The following CCDC63 variants were observed in gnomAD, a reference collection of about 807,000 sequenced individuals.
CCDC63 encodes coiled-coil domain-containing protein 63.
A neutral mutation model predicts 63.6 loss-of-function variants in CCDC63; 54 were observed. The observed-to-expected ratio is 0.85, with a 90% confidence interval of 0.68 to 1.07. The LOEUF is 1.07. CCDC63 is among the 50% of genes least tolerant of loss of function. CCDC63 has a pLI of 0.00. For synonymous variants in CCDC63, 253 were observed against 266.1 expected, an observed-to-expected ratio of 0.95 and a Z score of 0.48; for missense variants, 637 against 689.6, an observed-to-expected ratio of 0.92 and a Z score of 0.86.
chr12:110,884,241 A>G lies in CCDC63; in HGVS notation c.1065A>G (p.Gln355=), dbSNP rs1199227595. ...TGGAGATGATGCACAAGAGGACCCA[A>G]CGAATCCAGGTCAGGGCGGCTCTGC... ...NDMEMMHKRT[Q]RIQDEIILLR... Residue 355 remains glutamine (Q), a synonymous_variant, in exon 8 of 12, where the codon CAA becomes CAG. Coordinates refer to ENST00000308208, the MANE Select transcript of CCDC63 (RefSeq NM_152591.3). 8 of 1,613,894 alleles carry G rather than the reference A, an allele frequency of 5.0e-6. No individual in the cohort carries two copies. The highest frequency in any genetic ancestry group is 1.1e-5 in the South Asian group (1 of 91,076).
rs2071600056 is a variant in CCDC63, at chr12:110,907,248, C to A, written c.1547-83C>A. ...AATTTCCATGCTCCACTCCCCAGTG[C>A]TATGGAGGGACGCCAAACCAGGCTT... is the stretch of plus-strand genomic sequence containing the variant. On this transcript the variant is annotated intron_variant, in intron 11 of 11. Coordinates refer to ENST00000308208, the MANE Select transcript of CCDC63 (RefSeq NM_152591.3). The surrounding 1 kb of genome is among the most constrained non-coding windows in gnomAD (Gnocchi z 4.4). 2 of 1,406,048 alleles carry A rather than the reference C, an allele frequency of 1.4e-6. No individual in the cohort carries two copies. The highest frequency in any genetic ancestry group is 9.8e-7 in the Non-Finnish European group (1 of 1,023,730). 87.1% of individuals were successfully genotyped at this position (1,406,048 alleles called of 1,614,324 possible).
intron 11 of CCDC63, among the ~76,000 whole-genome samples, chr12:110,906,043 T>TA (rs2071574001): frequency 1.3e-5 from 1 of 78,910 alleles, no homozygotes; most frequent in Non-Finnish European, 2.2e-5. Context: ...AATAATATAA[T>TA]ATATAATATA....
At chr12:110,885,552 G>C (rs2071268754) in intron 8 of CCDC63, among the ~76,000 whole-genome samples, 1 of 152,114 alleles carries the variant, frequency 6.6e-6, no homozygotes, top group Non-Finnish European at 1.5e-5. Flanking sequence ...TGACCTCCAA[G>C]ACACCCTCTG....
At chr12:110,883,789 G>T (rs1219720955) in intron 7 of CCDC63, among the ~76,000 whole-genome samples, 1 of 152,068 alleles carries the variant, frequency 6.6e-6, no homozygotes, top group East Asian at 1.9e-4. Context: ...GCAGGCATGT[G>T]CCACCACACC....
At chr12:110,899,346 T>G (rs1331192738) in intron 10 of CCDC63, among the ~76,000 whole-genome samples, 1 of 152,122 alleles carries the variant, frequency 6.6e-6, no homozygotes, top group Non-Finnish European at 1.5e-5. Context: ...TGAGACAGGG[T>G]CTTGCTCTGT....
At position 110,902,884 on chromosome 12, in the gene CCDC63, AT is replaced by A. The variant is rs71083163; in HGVS notation, c.1343-1688del. ...AGGTGCCCGACACCACGCCCGGCTA[AT>A]TTTTTTTTTTTTTTTAAGATGGAGT... On this transcript the variant is annotated intron_variant, in intron 10 of 11. Coordinates refer to ENST00000308208, the MANE Select transcript of CCDC63 (RefSeq NM_152591.3). Among the ~76,000 whole-genome samples, 477 of 135,356 alleles carry A rather than the reference AT, an allele frequency of 3.5e-3. 1 individual carries two copies. The highest frequency in any genetic ancestry group is 4.6e-3 in the Admixed American group (62 of 13,482). 88.8% of individuals were successfully genotyped at this position (135,356 alleles called of 152,430 possible).
chr12:110,904,853 G>A, intron 11 of CCDC63, 62 bp downstream of exon 11: 2 of 1,375,884 alleles, frequency 1.5e-6, no homozygotes, highest in East Asian at 2.3e-5. Context: ...CAGGTCTGGG[G>A]AGACCGTGTC....
intron 10 of CCDC63, 114 bp downstream of exon 10, chr12:110,899,239 C>T: frequency 1.1e-6 from 1 of 884,684 alleles, no homozygotes; most frequent in South Asian, 1.9e-5. Flanking sequence ...AGTGTGTGGG[C>T]ACTAAAGCCA....
rs755025014 is a variant in CCDC63, at chr12:110,884,087, A to T, written c.911A>T (p.Glu304Val). 1 of 1,614,138 alleles carries T rather than the reference A, an allele frequency of 6.2e-7. No individual in the cohort carries two copies. Among genetic ancestry groups the T allele is most frequent in the Non-Finnish European group, 8.5e-7 (1 of 1,180,016 alleles). The change falls in exon 8 of 12, where the codon GAG becomes GTG. Residue 304 changes from glutamate (E) to valine (V), a missense_variant. Coordinates refer to ENST00000308208, the MANE Select transcript of CCDC63 (RefSeq NM_152591.3). ...KNRGESFESY[E>V]VAHLRLLKLA... ...AGGGGAGAGAGTTTTGAGAGCTATGAGGTGGCCCACCTCCGGCTGCTGAAG... is the reference window on the plus strand; with the variant it reads ...AGGGGAGAGAGTTTTGAGAGCTATGTGGTGGCCCACCTCCGGCTGCTGAAG...
intron 1 of CCDC63, among the ~76,000 whole-genome samples, chr12:110,848,143 C>A (rs2070663160): frequency 6.6e-6 from 1 of 152,220 alleles, no homozygotes; most frequent in Non-Finnish European, 1.5e-5. Context: ...TAGGCAGTTA[C>A]AGAAAATGTG....
chr12:110,887,615 G>A (rs2071301057), intron 8 of CCDC63, among the ~76,000 whole-genome samples: 1 of 152,022 alleles, frequency 6.6e-6, no homozygotes, highest in African/African-American at 2.4e-5. Flanking sequence ...CTCAGACTAA[G>A]GGATCAGGTT....
rs1338541375 is a variant in CCDC63, at chr12:110,889,254, G to C, written c.1075-3822G>C. Among the ~76,000 whole-genome samples, 1 of 152,188 alleles carries C rather than the reference G, an allele frequency of 6.6e-6. No homozygotes were observed. The highest frequency in any genetic ancestry group is 2.4e-5 in the African/African-American group (1 of 41,444). ...GACCCTGATAATGTGGCAGTGAACA[G>C]GATGACAAAAAGTTCAGCCCTCACA... On this transcript the variant is annotated intron_variant, in intron 8 of 11. Transcript: ENST00000308208. This position sits in a 1 kb window ranked among gnomAD's most constrained non-coding sequence, Gnocchi z 4.1.
In CCDC63 at chr12:110,873,948, C is replaced by T. The variant is rs758717569; in HGVS notation, c.476C>T (p.Thr159Ile). 6.2e-7 allele frequency: 1 copy of T among 1,611,422 alleles called. No individual in the cohort carries two copies. Among genetic ancestry groups the T allele is most frequent in the East Asian group, 2.2e-5 (1 of 44,818 alleles). ...CAGAAACAGATTCACATTTTGGAAA[C>T]CCGTTTGAATCTCGTATGTAAAGTG... is the stretch of plus-strand genomic sequence containing the variant. Reference protein sequence around the residue: ...KLQKQIHILETRLNLVTVHFD... With the variant: ...KLQKQIHILEIRLNLVTVHFD... The change falls in exon 5 of 12, where the codon ACC becomes ATC. Residue 159 changes from threonine (T) to isoleucine (I), a missense_variant. Physicochemically the swap from Thr to Ile is moderately conservative, Grantham distance 89. Transcript: ENST00000308208.
intron 5 of CCDC63, among the ~76,000 whole-genome samples, chr12:110,877,362 G>A (rs560770490): frequency 3.2e-4 from 48 of 151,780 alleles, no homozygotes; most frequent in South Asian, 4.2e-4. Context: ...ACAGGTGTGC[G>A]CCACCACACC....
chr12:110,865,464 C>CAAAAAAAAAAAAAAAAAAAAAAA (rs10585238), intron 4 of CCDC63, among the ~76,000 whole-genome samples: 8 of 102,358 alleles, frequency 7.8e-5, no homozygotes, highest in Admixed American at 2.2e-4. Flanking sequence ...CAGCATATAC[C>CAAAAAAAAAAAAAAAAAAAAAAA]AAAAAAAAAA....
chr12:110,863,056 GTTTGT>G (rs760281325), intron 4 of CCDC63, among the ~76,000 whole-genome samples: 5 of 151,656 alleles, frequency 3.3e-5, no homozygotes, highest in South Asian at 2.1e-4. Context: ...GCGTCCAGCT[GTTTGT>G]TTTATTTCAT....
rs539797119 is a variant in CCDC63 at position 110,873,865 on chromosome 12, C to G, written c.393C>G (p.Ile131Met). The G allele has an allele frequency of 3.7e-6, 6 of 1,612,700 alleles. No individual in the cohort carries two copies. In the Admixed American group the frequency reaches 1.0e-4, roughly 27 times the overall value. Residue 131 changes from isoleucine (I) to methionine (M), a missense_variant, in exon 5 of 12, where the codon ATC becomes ATG. Physicochemically the swap from Ile to Met is conservative, Grantham distance 10 (BLOSUM62 1). Transcript: ENST00000308208. ...DEKILQMEKK[I>M]ANQKQIFAKM... ...AGATTCTTCAGATGGAAAAAAAAAT[C>G]GCAAACCAAAAACAGATTTTCGCAA...
At chr12:110,906,594 C>T (rs577755838) in intron 11 of CCDC63, among the ~76,000 whole-genome samples, 71 of 152,128 alleles carry the variant, frequency 4.7e-4, no homozygotes, top group Admixed American at 1.2e-3. Flanking sequence ...AGCAGCATTT[C>T]AAGTGTGCCA....
chr12:110,856,623 T>C (rs1333808710), intron 3 of CCDC63, among the ~76,000 whole-genome samples: 2 of 150,792 alleles, frequency 1.3e-5, no homozygotes. Flanking sequence ...GCATTTCAAG[T>C]GCTCAACAAT....
Sources: gnomAD v4.1 joint callset for allele counts (sites outside exome capture counted in the v4.1 genomes callset) on GRCh38, gnomAD v4.1.1 for gene constraint, Gnocchi (gnomAD v3.1) non-coding constraint, MANE v1.5 for transcripts, NCBI Gene and HGNC (gene_info 2026-07-23, HGNC 2026-07-21) for gene names.